Variants in PCDHA2 observed in about 807,000 individuals in gnomAD.
The protein encoded by PCDHA2 is protocadherin alpha-2.
In PCDHA2, 58 loss-of-function variants were observed where a neutral mutation model predicts 66.0. The ratio of observed to expected loss-of-function variants is 0.88; its 90% CI spans 0.71 to 1.09. PCDHA2 has a LOEUF of 1.09. Ranked by LOEUF, PCDHA2 falls within the 50% of genes least tolerant of loss-of-function variation. PCDHA2 has a pLI of 0.00. For synonymous variants in PCDHA2, 634 were observed against 554.0 expected, an observed-to-expected ratio of 1.14 and a Z score of -2.03; for missense variants, 1,267 against 1,242.3, an observed-to-expected ratio of 1.02 and a Z score of -0.30.
intron 1 of PCDHA2, chr5:140,861,768 T>TATCA (rs1554155221): frequency 1.3e-5 from 2 of 158,832 alleles, no homozygotes; most frequent in African/African-American, 4.8e-5. Context: ...TCCCTGGAAA[T>TATCA]ACCAAGAGCA....
At chr5:140,914,944 C>CTTTT (rs35695909) in intron 1 of PCDHA2, among the ~76,000 whole-genome samples, 1 of 128,266 alleles carries the variant, frequency 7.8e-6, no homozygotes, top group South Asian at 2.5e-4. Context: ...GAAAAGTTGT[C>CTTTT]TTTTTTTTTT....
chr5:140,849,736 ACCGCGAGAGTGTGT>A, intron 1 of PCDHA2: 1 of 1,598,292 alleles, frequency 6.3e-7, no homozygotes, highest in Non-Finnish European at 8.6e-7. Context: ...AGAGCTCTGG[ACCGCGAGAGTGTGT>A]CCGCCTACGA....
chr5:140,822,202 G>C (rs2150114545), intron 1 of PCDHA2: 2 of 1,614,238 alleles, frequency 1.2e-6, no homozygotes, highest in Admixed American at 3.3e-5. Flanking sequence ...ATTCATTTTA[G>C]AGTCAAGAAT....
chr5:140,829,713 G>A (rs2150173185), intron 1 of PCDHA2: 2 of 1,613,488 alleles, frequency 1.2e-6, no homozygotes, highest in South Asian at 1.1e-5. Flanking sequence ...CGCGACGCGG[G>A]CGTGCCGCCT....
intron 1 of PCDHA2, among the ~76,000 whole-genome samples, chr5:140,833,628 T>G (rs1343901945): frequency 2.0e-5 from 3 of 152,146 alleles, no homozygotes; most frequent in African/African-American, 7.2e-5. Context: ...GAATACTTCC[T>G]CCTCAAAAAG....
chr5:140,837,118 A>G (rs1774921021), intron 1 of PCDHA2: 2 of 157,076 alleles, frequency 1.3e-5, no homozygotes, highest in Non-Finnish European at 2.8e-5. Flanking sequence ...TATGTTACCT[A>G]ATATTTTATT....
At chr5:140,899,974 C>A (rs2067653485) in intron 1 of PCDHA2, among the ~76,000 whole-genome samples, 1 of 151,766 alleles carries the variant, frequency 6.6e-6, no homozygotes, top group Non-Finnish European at 1.5e-5. Context: ...TGCCCAGCTA[C>A]TTTTTTGATT....
intron 1 of PCDHA2, among the ~76,000 whole-genome samples, chr5:140,820,934 T>C (rs1766861378): frequency 6.6e-6 from 1 of 152,076 alleles, no homozygotes; most frequent in Non-Finnish European, 1.5e-5. Flanking sequence ...TCTAGAAAGC[T>C]GAAATATCCC....
At chr5:140,862,842 G>T (rs1554157108) in intron 1 of PCDHA2, 2 of 572,864 alleles carry the variant, frequency 3.5e-6, no homozygotes, top group Middle Eastern at 3.7e-4. Context: ...CGGGCATGCC[G>T]CCTCTGAGCA....
At position 140,942,409 on chromosome 5, in the gene PCDHA2, TA is replaced by T. The variant is rs78736997; in HGVS notation, c.2389-36528del. Among the ~76,000 whole-genome samples, 464 of 143,336 alleles carry T rather than the reference TA, an allele frequency of 3.2e-3. 2 individuals are homozygous for T. Among genetic ancestry groups the T allele is most frequent in the African/African-American group, 7.7e-3 (304 of 39,312 alleles). The allele number at this position is 143,336 out of a possible 152,430, so 94.0% of individuals were successfully genotyped here. Reference sequence around the variant, plus strand: ...CCTGGGCGACAGATGAGACTCTGTTTAAAAAAAAAAAAGATATCTAACAATA... The same window carrying T: ...CCTGGGCGACAGATGAGACTCTGTTTAAAAAAAAAAAGATATCTAACAATA... On this transcript the variant is annotated intron_variant, in intron 1 of 3. Transcript: ENST00000526136.
At chr5:140,853,868 T>C (rs2042891681) in intron 1 of PCDHA2, 1 of 983,114 alleles carries the variant, frequency 1.0e-6, no homozygotes, top group South Asian at 4.7e-5. Flanking sequence ...TACTTGACAG[T>C]GCAAGTTTCT....
chr5:140,908,816 G>T (rs1606122), intron 1 of PCDHA2, among the ~76,000 whole-genome samples: 42,837 of 152,040 alleles, frequency 0.28, 6,902 homozygotes, highest in East Asian at 0.53. Flanking sequence ...AGAGCCTTTT[G>T]GGTTACTCGA....
intron 1 of PCDHA2, among the ~76,000 whole-genome samples, chr5:140,798,271 G>A (rs1404885825): frequency 7.2e-5 from 11 of 152,076 alleles, no homozygotes; most frequent in African/African-American, 2.7e-4. Context: ...CAGCACTTAG[G>A]AATAACTGCT....
intron 1 of PCDHA2, among the ~76,000 whole-genome samples, chr5:140,969,831 G>A (rs559083785): frequency 3.9e-4 from 60 of 152,296 alleles, no homozygotes; most frequent in African/African-American, 1.4e-3. Context: ...TGTCTACAGT[G>A]GAAATTATCT....
chr5:141,010,438 CAAAT>C lies in PCDHA2; in HGVS notation c.*505_*508del, dbSNP rs2098417279. On this transcript the variant is annotated 3_prime_UTR_variant, in exon 4 of 4. Transcript: ENST00000526136. ...TACAAGGAAGGCAAGAAAACAAAGA[CAAAT>C]AAACAGCGGAAGTTATCAGTATGGA... 2.0e-6 allele frequency: 2 copies of C among 998,926 alleles called. No homozygotes were observed. The highest frequency in any genetic ancestry group is 2.8e-6 in the Non-Finnish European group (2 of 704,790). The allele number at this position is 998,926 out of a possible 1,614,324, so 61.9% of individuals were successfully genotyped here.
At chr5:140,936,124 C>T (rs2090779585) in intron 1 of PCDHA2, among the ~76,000 whole-genome samples, 1 of 152,130 alleles carries the variant, frequency 6.6e-6, no homozygotes, top group African/African-American at 2.4e-5. Context: ...AACTCCTGAC[C>T]TTAAGTGATC....
chr5:140,869,501 T>A (rs200485559), intron 1 of PCDHA2: 1 of 1,614,192 alleles, frequency 6.2e-7, no homozygotes, highest in Admixed American at 1.7e-5. Flanking sequence ...CCGCCGGTGT[T>A]CTCGCTCAGA....
At chr5:140,863,510 T>G (rs782817870) in intron 1 of PCDHA2, 4 of 411,506 alleles carry the variant, frequency 9.7e-6, no homozygotes, top group Admixed American at 3.0e-5. Context: ...TTAGTCCTAG[T>G]GTTCTCCCAT....
At chr5:140,897,237 G>C (rs1188679482) in intron 1 of PCDHA2, among the ~76,000 whole-genome samples, 1 of 151,784 alleles carries the variant, frequency 6.6e-6, no homozygotes, top group African/African-American at 2.4e-5. Context: ...CAATGTGCAG[G>C]TTAGTTACAT....
Sources: allele counts gnomAD v4.1 joint callset (sites outside exome capture counted in the v4.1 genomes callset), GRCh38; gene constraint gnomAD v4.1.1; transcripts MANE v1.5; gene names NCBI Gene and HGNC (gene_info 2026-07-23, HGNC 2026-07-21).